The following ZBTB7C variants were observed in gnomAD, a reference collection of about 807,000 sequenced individuals.
The protein encoded by ZBTB7C is zinc finger and BTB domain containing 7C.
Under a neutral mutation model 25.7 loss-of-function variants are expected in ZBTB7C, and 8 were observed. The observed-to-expected ratio is 0.31, with a 90% CI of 0.18 to 0.56. ZBTB7C has a LOEUF of 0.56. Ranked by LOEUF, ZBTB7C falls within the 20% of genes least tolerant of loss-of-function variation. The pLI is 0.91. For synonymous variants in ZBTB7C, 394 were observed against 369.0 expected, an observed-to-expected ratio of 1.07 and a Z score of -0.78; for missense variants, 824 against 855.2, an observed-to-expected ratio of 0.96 and a Z score of 0.46.
intron 2 of ZBTB7C, among the ~76,000 whole-genome samples, chr18:48,278,220 C>G (rs1312763294): frequency 6.6e-6 from 1 of 152,168 alleles, no homozygotes; most frequent in Non-Finnish European, 1.5e-5. Flanking sequence ...TCAGGCTGTT[C>G]TGCTACAGAG....
intron 2 of ZBTB7C, among the ~76,000 whole-genome samples, chr18:48,277,738 A>T (rs900712621): frequency 6.6e-6 from 1 of 152,160 alleles, no homozygotes; most frequent in African/African-American, 2.4e-5. Flanking sequence ...ATCACAAAAC[A>T]TTCCCTCGAG....
chr18:48,279,149 C>A (rs1315327865), intron 2 of ZBTB7C, among the ~76,000 whole-genome samples: 1 of 152,000 alleles, frequency 6.6e-6, no homozygotes, highest in African/African-American at 2.4e-5. Flanking sequence ...GGAGACGGTC[C>A]CCCCGGCACC....
At chr18:48,339,386 T>C (rs565529085) in intron 1 of ZBTB7C, among the ~76,000 whole-genome samples, 39 of 152,238 alleles carry the variant, frequency 2.6e-4, no homozygotes, top group African/African-American at 9.4e-4. Flanking sequence ...GCCCCAGAGA[T>C]AGGAGTGAGA....
At chr18:48,043,109 G>A (rs2036323329) in intron 3 of ZBTB7C, among the ~76,000 whole-genome samples, 1 of 152,208 alleles carries the variant, frequency 6.6e-6, no homozygotes, top group Admixed American at 6.5e-5. Context: ...TGAGGATGTG[G>A]AGAAAAGGAT....
chr18:48,225,988 G>A (rs533693256), intron 2 of ZBTB7C, among the ~76,000 whole-genome samples: 2 of 152,122 alleles, frequency 1.3e-5, no homozygotes, highest in African/African-American at 2.4e-5. Context: ...CGATCCACCC[G>A]CTTTGGCGTC....
chr18:48,412,426 T>C (rs1174435542), upstream of ZBTB7C, among the ~76,000 whole-genome samples: 1 of 152,244 alleles, frequency 6.6e-6, no homozygotes, highest in African/African-American at 2.4e-5. Context: ...AACCGTTTTA[T>C]AGATGAAAAA....
At chr18:48,165,181 T>C (rs889068596) in intron 3 of ZBTB7C, 2 of 1,261,888 alleles carry the variant, frequency 1.6e-6, no homozygotes, top group East Asian at 5.6e-5. Flanking sequence ...AAGGGGAGGG[T>C]TCTTGTCCAA....
chr18:48,226,533 G>A (rs1169544130), intron 2 of ZBTB7C, among the ~76,000 whole-genome samples: 4 of 152,166 alleles, frequency 2.6e-5, no homozygotes, highest in African/African-American at 9.7e-5. Context: ...AAAACTGAGG[G>A]CCAGGCATTT....
chr18:48,354,846 A>G (rs1039760846), intron 1 of ZBTB7C, among the ~76,000 whole-genome samples: 2 of 152,174 alleles, frequency 1.3e-5, no homozygotes, highest in Admixed American at 1.3e-4. Context: ...GAGCTGTGCC[A>G]TTGGGAGTCC....
intron 3 of ZBTB7C, chr18:48,149,570 A>G (rs11082656): frequency 0.61 from 92,022 of 151,986 alleles, 29,485 homozygotes; most frequent in South Asian, 0.78. Context: ...CAAGGCCAGT[A>G]AGACAAGGAC....
chr18:48,111,123 CA>C (rs2039222923), intron 3 of ZBTB7C, among the ~76,000 whole-genome samples: 2 of 152,118 alleles, frequency 1.3e-5, no homozygotes, highest in Admixed American at 6.5e-5. Flanking sequence ...AGACTCTTCC[CA>C]ATTTGTGCCC....
chr18:48,306,329 A>T (rs1246837778), intron 2 of ZBTB7C, among the ~76,000 whole-genome samples: 2 of 152,174 alleles, frequency 1.3e-5, no homozygotes, highest in African/African-American at 4.8e-5. Flanking sequence ...TTCCTGGAAG[A>T]AGGGACCCAA....
intron 2 of ZBTB7C, among the ~76,000 whole-genome samples, chr18:48,317,336 CA>C (rs1273275768): frequency 6.6e-6 from 1 of 150,526 alleles, no homozygotes; most frequent in East Asian, 1.9e-4. Flanking sequence ...TGCTCCTAGA[CA>C]GACATCACAG....
At chr18:48,236,414 C>T (rs2043380053) in intron 2 of ZBTB7C, among the ~76,000 whole-genome samples, 2 of 152,172 alleles carry the variant, frequency 1.3e-5, no homozygotes, top group African/African-American at 2.4e-5. Flanking sequence ...GTTGAACAGG[C>T]AAATGAACCC....
At chr18:48,343,572 G>T (rs1434561412) in intron 1 of ZBTB7C, among the ~76,000 whole-genome samples, 1 of 152,194 alleles carries the variant, frequency 6.6e-6, no homozygotes, top group Non-Finnish European at 1.5e-5. Flanking sequence ...TCTGGAATCA[G>T]GTTTGTATCC....
intron 3 of ZBTB7C, among the ~76,000 whole-genome samples, chr18:48,077,947 G>A (rs578072790): frequency 8.7e-5 from 13 of 150,284 alleles, no homozygotes; most frequent in Non-Finnish European, 1.2e-4. Flanking sequence ...AGAATTAGAG[G>A]GGCCCAGGGC....
intron 2 of ZBTB7C, among the ~76,000 whole-genome samples, chr18:48,191,821 T>C (rs536617575): frequency 6.6e-6 from 1 of 152,198 alleles, no homozygotes; most frequent in South Asian, 2.1e-4. Context: ...TTGCTTTATC[T>C]CCAATACTAA....
In ZBTB7C at chr18:48,116,755, C is replaced by T. The variant is rs974145683; in HGVS notation, c.-17+69179G>A. Among the ~76,000 whole-genome samples the T allele has an allele frequency of 1.2e-4, 19 of 152,212 alleles. 1 individual carries two copies. Among genetic ancestry groups the T allele is most frequent in the Admixed American group, 1.0e-3 (16 of 15,288 alleles). On this transcript the variant is annotated intron_variant, in intron 3 of 4. Coordinates refer to ENST00000590800, the MANE Select transcript of ZBTB7C (RefSeq NM_001318841.2). ...CTATTGCTGTTGAAATCCTCCAAGG[C>T]CCAGTTCAGGGCAGACCTCCTCTAG...
In ZBTB7C at chr18:48,040,421, A is replaced by C; in HGVS notation, c.687T>G (p.Ser229=). The C allele has an allele frequency of 6.2e-7, 1 of 1,609,394 alleles. No homozygotes were observed. The highest frequency in any genetic ancestry group is 8.5e-7 in the Non-Finnish European group (1 of 1,177,584). Residue 229 remains serine, a synonymous_variant, in exon 4 of 5, where the codon TCT becomes TCG. Transcript: ENST00000590800. Reference sequence around the variant, plus strand: ...TGGGGTACAGGTTCTCCCTTAGCAGAGATTCGATGGAGAAGTCCCGGATCA... The same window carrying C: ...TGGGGTACAGGTTCTCCCTTAGCAGCGATTCGATGGAGAAGTCCCGGATCA... ...LGVIRDFSIE[S]LLRENLYPKA...
Sources: gnomAD v4.1 joint callset for allele counts (sites outside exome capture counted in the v4.1 genomes callset) on GRCh38, gnomAD v4.1.1 for gene constraint, MANE v1.5 for transcripts, NCBI Gene and HGNC (gene_info 2026-07-23, HGNC 2026-07-21) for gene names.